The following GTF2H5 variants were observed in gnomAD, a reference collection of about 807,000 sequenced individuals.
GTF2H5 encodes TFB5 ortholog.
GTF2H5 carries 5 observed loss-of-function variants against 7.1 expected under a neutral mutation model. The ratio of observed to expected loss-of-function variants is 0.71; its 90% CI spans 0.37 to 1.49. GTF2H5 has a LOEUF of 1.49. Among genes scored for constraint, GTF2H5 ranks in the 40% most tolerant of loss-of-function variants. The probability of loss-of-function intolerance (pLI) is 0.03; values close to 1 mark genes in which losing one functional copy is unlikely to be tolerated. For synonymous variants in GTF2H5, 30 were observed against 31.7 expected (o/e 0.95, Z 0.18); for missense variants, 80 against 83.0 (o/e 0.96, Z 0.14).
At chr6:158,181,230 G>A (rs1786006455) in intron 2 of GTF2H5, among the ~76,000 whole-genome samples, 3 of 152,216 alleles carry the variant, frequency 2.0e-5, no homozygotes, top group Admixed American at 6.5e-5. Flanking sequence ...ACTGTGGTCT[G>A]AGAGACAGTT....
rs1028813850 is a variant in GTF2H5 at position 158,176,236 on chromosome 6, GT to G, written c.35+5708del. Reference sequence around the variant, plus strand: ...TAAGTATAATATTGTGTTTGCTTTTGTTTTTTTTTTGAAACGGAGTCTCACT... The same window carrying G: ...TAAGTATAATATTGTGTTTGCTTTTGTTTTTTTTTGAAACGGAGTCTCACT... On this transcript the variant is annotated intron_variant, in intron 2 of 2. Coordinates refer to ENST00000607778, the MANE Select transcript of GTF2H5 (RefSeq NM_207118.3). Among the ~76,000 whole-genome samples the G allele has an allele frequency of 8.8e-5, 13 of 148,472 alleles. No homozygotes were observed. In the East Asian group the frequency reaches 1.8e-3, roughly 20 times the overall value.
chr6:158,182,405 A>G (rs1786023023), intron 2 of GTF2H5, among the ~76,000 whole-genome samples: 1 of 152,112 alleles, frequency 6.6e-6, no homozygotes, highest in African/African-American at 2.4e-5. Context: ...GTATTTCCCG[A>G]ATTTCAATGT....
chr6:158,191,959 A>T lies in GTF2H5; in HGVS notation c.36-18A>T. The T allele has an allele frequency of 6.2e-7, 1 of 1,604,544 alleles. No individual in the cohort carries two copies. The highest frequency in any genetic ancestry group is 8.5e-7 in the Non-Finnish European group (1 of 1,171,264). On this transcript the variant is annotated intron_variant, in intron 2 of 2. Coordinates refer to ENST00000607778, the MANE Select transcript of GTF2H5 (RefSeq NM_207118.3). Reference sequence around the variant, plus strand: ...TTTGACAACAAGCTGTCTTACAATCATGTGTTTGTCTTTACAGTGATCCTG... The same window carrying T: ...TTTGACAACAAGCTGTCTTACAATCTTGTGTTTGTCTTTACAGTGATCCTG...
At chr6:158,176,597 G>A (rs1195325616) in intron 2 of GTF2H5, among the ~76,000 whole-genome samples, 1 of 152,174 alleles carries the variant, frequency 6.6e-6, no homozygotes, top group African/African-American at 2.4e-5. Context: ...TAATGGTTTT[G>A]TAATTGAAAT....
At position 158,169,529 on chromosome 6, in the gene GTF2H5, A is replaced by ATATTACATATAATATATT. The variant is rs1562468515; in HGVS notation, c.-34-941_-34-940insTATTACATATAATATATT. On this transcript the variant is annotated intron_variant, in intron 1 of 2. Transcript: ENST00000607778. ...ATATTGTATATTATATATAATATAC[A>ATATTACATATAATATATT]GTATATTATATATAATATACTGTAT... 7.2e-5 allele frequency among the ~76,000 whole-genome samples: 4 copies of ATATTACATATAATATATT among 55,716 alleles called. No individual in the cohort carries two copies. In the East Asian group the frequency reaches 2.7e-3, roughly 38 times the overall value. The allele number at this position is 55,716 out of a possible 152,430, so 36.6% of individuals were successfully genotyped here.
chr6:158,176,988 G>A (rs1315796676), intron 2 of GTF2H5, among the ~76,000 whole-genome samples: 1 of 152,218 alleles, frequency 6.6e-6, no homozygotes, highest in Non-Finnish European at 1.5e-5. Flanking sequence ...TGGGCCAGGT[G>A]TTCCTTGCCC....
chr6:158,199,066 T>A lies in GTF2H5; in HGVS notation c.*6909T>A, dbSNP rs1777155652. 1 of 152,250 alleles carries A rather than the reference T, an allele frequency of 6.6e-6. No homozygotes were observed. Among genetic ancestry groups the A allele is most frequent in the Admixed American group, 6.5e-5 (1 of 15,286 alleles). 9.4% of individuals were successfully genotyped at this position (152,250 alleles called of 1,614,324 possible). ...GTGGTTATCTCATTATTTTCATTCCTTTTTAATTCTCTGTTTTAGGAATGC... is the reference window on the plus strand; with the variant it reads ...GTGGTTATCTCATTATTTTCATTCCATTTTAATTCTCTGTTTTAGGAATGC... On this transcript the variant is annotated 3_prime_UTR_variant, in exon 3 of 3. Coordinates refer to ENST00000607778, the MANE Select transcript of GTF2H5 (RefSeq NM_207118.3).
chr6:158,169,203 C>T (rs1434511350), intron 1 of GTF2H5, among the ~76,000 whole-genome samples: 2 of 145,432 alleles, frequency 1.4e-5, no homozygotes, highest in African/African-American at 2.6e-5. Context: ...CACTGCGCTC[C>T]AGCCTGGGCG....
chr6:158,169,515 T>TATATATAATTATATGTAATATATATA (rs1785752001), intron 1 of GTF2H5, among the ~76,000 whole-genome samples: 3 of 75,760 alleles, frequency 4.0e-5, no homozygotes, highest in African/African-American at 1.9e-4. Flanking sequence ...TATTGTATAT[T>TATATATAATTATATGTAATATATATA]ATATATAATA....
At chr6:158,170,974 C>G (rs893600843) in intron 2 of GTF2H5, among the ~76,000 whole-genome samples, 35 of 152,190 alleles carry the variant, frequency 2.3e-4, no homozygotes, top group Non-Finnish European at 5.9e-5. Context: ...GAGTTGAGTT[C>G]CTCAAAGCAA....
At position 158,185,008 on chromosome 6, in the gene GTF2H5, A is replaced by G. The variant is rs558706242; in HGVS notation, c.36-6969A>G. ...TAGCCTTGATCCTGGGACTTCAAGT[A>G]TGTATATATGCTCTTGGCTTTGGGT... On this transcript the variant is annotated intron_variant, in intron 2 of 2. Transcript: ENST00000607778. 6.6e-5 allele frequency among the ~76,000 whole-genome samples: 10 copies of G among 152,114 alleles called. 1 individual carries two copies. Among genetic ancestry groups the G allele is most frequent in the African/African-American group, 1.4e-4 (6 of 41,476 alleles).
chr6:158,186,457 G>A (rs1258878763), intron 2 of GTF2H5, among the ~76,000 whole-genome samples: 1 of 152,210 alleles, frequency 6.6e-6, no homozygotes, highest in Non-Finnish European at 1.5e-5. Flanking sequence ...CATGCAGACA[G>A]CAATGTTTCA....
At chr6:158,169,681 A>ATATAATATATATTATATAATATATTG (rs1785785235) in intron 1 of GTF2H5, among the ~76,000 whole-genome samples, 1 of 52,512 alleles carries the variant, frequency 1.9e-5, no homozygotes, top group Non-Finnish European at 3.0e-5. Context: ...ATTATATAAT[A>ATATAATATATATTATATAATATATTG]TATAATATAT....
chr6:158,177,205 T>G (rs1785945758), intron 2 of GTF2H5, among the ~76,000 whole-genome samples: 1 of 152,234 alleles, frequency 6.6e-6, no homozygotes, highest in South Asian at 2.1e-4. Context: ...CACATGGTCT[T>G]GGCATTTTAA....
Position 158,170,495 on chromosome 6 carries a change from T to C in GTF2H5, c.-9T>C. On this transcript the variant is annotated 5_prime_UTR_variant, in exon 2 of 3. Transcript: ENST00000607778. Reference sequence around the variant, plus strand: ...CATTCTTCAGGTCATCTGAACCTTCTGAGAAAACATGGTCAACGTCTTGAA... The same window carrying C: ...CATTCTTCAGGTCATCTGAACCTTCCGAGAAAACATGGTCAACGTCTTGAA... 1 of 1,606,336 alleles carries C rather than the reference T, an allele frequency of 6.2e-7. No individual in the cohort carries two copies. Among genetic ancestry groups the C allele is most frequent in the South Asian group, 1.1e-5 (1 of 90,938 alleles).
chr6:158,176,882 C>T (rs1191735895), intron 2 of GTF2H5, among the ~76,000 whole-genome samples: 1 of 152,218 alleles, frequency 6.6e-6, no homozygotes, highest in Non-Finnish European at 1.5e-5. Flanking sequence ...ATGGGTTGGG[C>T]TAGTTATCTG....
At chr6:158,182,234 G>A (rs898377749) in intron 2 of GTF2H5, among the ~76,000 whole-genome samples, 12 of 152,170 alleles carry the variant, frequency 7.9e-5, no homozygotes, top group Admixed American at 4.6e-4. Flanking sequence ...GGGTTTATGC[G>A]GAGCGATCCG....
chr6:158,189,963 C>T (rs1776998128), intron 2 of GTF2H5, among the ~76,000 whole-genome samples: 1 of 152,182 alleles, frequency 6.6e-6, no homozygotes. Context: ...GTTCACATCG[C>T]TTTCAGGACT....
rs1373153461 is a variant in GTF2H5, at chr6:158,169,432, GTATATTATATATATTA to G, written c.-34-1018_-34-1003del. Among the ~76,000 whole-genome samples, 75 of 56,890 alleles carry G rather than the reference GTATATTATATATATTA, an allele frequency of 1.3e-3. 2 individuals are homozygous for G. The highest frequency in any genetic ancestry group is 4.7e-3 in the African/African-American group (55 of 11,630). The allele number at this position is 56,890 out of a possible 152,430, so 37.3% of individuals were successfully genotyped here. ...TATTATATATTATATATAATATATTGTATATTATATATATTATATATTATATATATTATATTGTATA... is the reference window on the plus strand; with the variant it reads ...TATTATATATTATATATAATATATTGTATATTATATATATTATATTGTATA... On this transcript the variant is annotated intron_variant, in intron 1 of 2. Transcript: ENST00000607778.
Sources: gnomAD v4.1 joint callset for allele counts (sites outside exome capture counted in the v4.1 genomes callset) on GRCh38, gnomAD v4.1.1 for gene constraint, MANE v1.5 for transcripts, NCBI Gene and HGNC (gene_info 2026-07-23, HGNC 2026-07-21) for gene names.